The following FRMD6 variants were observed in gnomAD, a reference collection of about 807,000 sequenced individuals.
FRMD6 encodes the protein FERM domain-containing protein 6.
FRMD6 carries 37 observed loss-of-function variants against 73.2 expected under a neutral mutation model. The observed-to-expected ratio is 0.51, with a 90% CI of 0.39 to 0.66. FRMD6 has a LOEUF of 0.66. Among genes scored for constraint, FRMD6 ranks in the 30% least tolerant of loss-of-function variants. The pLI is 0.00. For synonymous variants in FRMD6, 273 were observed against 282.2 expected, an observed-to-expected ratio of 0.97 and a Z score of 0.33; for missense variants, 714 against 780.5, an observed-to-expected ratio of 0.91 and a Z score of 1.02.
At chr14:51,412,884 C>T in the FRMD6 span, among the ~76,000 whole-genome samples, 10 of 151,772 alleles carry the variant, frequency 6.6e-5, no homozygotes, top group African/African-American at 2.2e-4. Context: ...AAAGATAACA[C>T]AGACAAAAAT....
At chr14:51,707,126 G>T (rs573748710) in intron 6 of FRMD6, among the ~76,000 whole-genome samples, 1 of 152,146 alleles carries the variant, frequency 6.6e-6, no homozygotes, top group South Asian at 2.1e-4. Flanking sequence ...TGAAAAAAAG[G>T]TTGATAAATA....
At chr14:51,535,662 A>G (rs1885842445) in intron 1 of FRMD6, among the ~76,000 whole-genome samples, 1 of 152,248 alleles carries the variant, frequency 6.6e-6, no homozygotes, top group Admixed American at 6.5e-5. Context: ...TTGTTTGGTT[A>G]CTATGAGTAA....
intron 7 of FRMD6, among the ~76,000 whole-genome samples, chr14:51,710,700 A>G (rs1896894435): frequency 6.6e-6 from 1 of 152,130 alleles, no homozygotes. Context: ...ATCTCTGCAT[A>G]CTCATTGTGT....
the FRMD6 span, among the ~76,000 whole-genome samples, chr14:51,406,929 TA>T: frequency 6.6e-6 from 1 of 152,170 alleles, no homozygotes; most frequent in African/African-American, 2.4e-5. Flanking sequence ...TTGTTGGTGT[TA>T]AAAAATGCAA....
At chr14:51,569,518 T>C (rs541017733) in intron 1 of FRMD6, among the ~76,000 whole-genome samples, 1 of 149,052 alleles carries the variant, frequency 6.7e-6, no homozygotes, top group South Asian at 2.1e-4. Context: ...TTTTTTTTTT[T>C]TTTTTTTCTG....
At chr14:51,465,287 C>A in the FRMD6 span, among the ~76,000 whole-genome samples, 1 of 152,168 alleles carries the variant, frequency 6.6e-6, no homozygotes, top group Non-Finnish European at 1.5e-5. Context: ...TGAGCCATAA[C>A]TCATGAACAA....
chr14:51,518,303 A>G (rs1884750536), intron 1 of FRMD6, among the ~76,000 whole-genome samples: 1 of 152,210 alleles, frequency 6.6e-6, no homozygotes. Context: ...GACACAAAAG[A>G]AATGTAGATT....
At chr14:51,533,389 C>T (rs1885699859) in intron 1 of FRMD6, among the ~76,000 whole-genome samples, 2 of 152,162 alleles carry the variant, frequency 1.3e-5, no homozygotes, top group Non-Finnish European at 2.9e-5. Flanking sequence ...ACAGGTTCCA[C>T]ATTACACTTG....
chr14:51,571,829 T>C (rs946417963), intron 2 of FRMD6, among the ~76,000 whole-genome samples: 1 of 152,202 alleles, frequency 6.6e-6, no homozygotes, highest in Non-Finnish European at 1.5e-5. Context: ...TTAATAAATA[T>C]TAGCCATGAT....
At chr14:51,701,702 T>G (rs1896334090) in intron 4 of FRMD6, among the ~76,000 whole-genome samples, 1 of 151,108 alleles carries the variant, frequency 6.6e-6, no homozygotes, top group South Asian at 2.1e-4. Flanking sequence ...AGAATCTGGA[T>G]TATCTGTTAA....
chr14:51,579,424 T>A (rs932669259), intron 2 of FRMD6: 1 of 152,166 alleles, frequency 6.6e-6, no homozygotes, highest in African/African-American at 2.4e-5. Flanking sequence ...AGCAACAAAT[T>A]TTCTCCAAGA....
At chr14:51,676,132 A>G (rs949216580) in intron 1 of FRMD6, among the ~76,000 whole-genome samples, 6 of 152,104 alleles carry the variant, frequency 3.9e-5, no homozygotes, top group Admixed American at 2.6e-4. Flanking sequence ...GAAAAATCCC[A>G]TTAAGGAAAA....
At chr14:51,628,764 C>T (rs1483266981) in intron 2 of FRMD6, among the ~76,000 whole-genome samples, 1 of 138,266 alleles carries the variant, frequency 7.2e-6, no homozygotes. Flanking sequence ...TCATGCCACT[C>T]CACTCCAGCC....
chr14:51,553,373 G>A (rs1886947106), intron 1 of FRMD6, among the ~76,000 whole-genome samples: 1 of 152,160 alleles, frequency 6.6e-6, no homozygotes, highest in Non-Finnish European at 1.5e-5. Flanking sequence ...CAAAACACAA[G>A]CAGCAGATTC....
At chr14:51,724,251 A>AGT (rs1897816794) in intron 12 of FRMD6, 1 of 151,452 alleles carries the variant, frequency 6.6e-6, no homozygotes, top group Admixed American at 6.6e-5. Flanking sequence ...GTAGTGATGA[A>AGT]GTATACCACA....
rs1896530708 is a variant in FRMD6, at chr14:51,704,840, C to T, written c.463C>T (p.Leu155=). ...CVLREEAYFL[L]AAFALQADLG... ...GCTCCGAGAGGAGGCCTACTTCCTGCTGGCAGCCTTTGCCCTGCAGGCTGA... is the reference window on the plus strand; with the variant it reads ...GCTCCGAGAGGAGGCCTACTTCCTGTTGGCAGCCTTTGCCCTGCAGGCTGA... Residue 155 remains leucine (L), a synonymous_variant, in exon 6 of 14, where the codon CTG becomes TTG. Coordinates refer to ENST00000344768, the MANE Select transcript of FRMD6 (RefSeq NM_001267046.2). 6 of 1,613,406 alleles carry T rather than the reference C, an allele frequency of 3.7e-6. No homozygotes were observed. Among genetic ancestry groups the T allele is most frequent in the Middle Eastern group, 1.7e-4 (1 of 6,056 alleles).
the FRMD6 span, among the ~76,000 whole-genome samples, chr14:51,429,582 G>A: frequency 6.6e-6 from 1 of 152,134 alleles, no homozygotes; most frequent in Non-Finnish European, 1.5e-5. Context: ...CATCTCATGC[G>A]TTTGGACAGA....
At chr14:51,655,385 A>G (rs1340897007) in intron 1 of FRMD6, among the ~76,000 whole-genome samples, 3 of 152,202 alleles carry the variant, frequency 2.0e-5, no homozygotes, top group East Asian at 1.9e-4. Context: ...GGAATGGGAA[A>G]GATTTAGTGA....
chr14:51,713,783 C>A (rs1489882803), intron 9 of FRMD6: 1 of 152,328 alleles, frequency 6.6e-6, no homozygotes, highest in African/African-American at 2.4e-5. Flanking sequence ...CTCCTCCTAA[C>A]TGGCTCTTTT....
Sources: gnomAD v4.1 joint callset for allele counts (sites outside exome capture counted in the v4.1 genomes callset) on GRCh38, gnomAD v4.1.1 for gene constraint, MANE v1.5 for transcripts, NCBI Gene and HGNC (gene_info 2026-07-23, HGNC 2026-07-21) for gene names.